Variants in HECW1 observed in about 807,000 individuals in gnomAD.
The protein encoded by HECW1 is E3 ubiquitin-protein ligase HECW1.
Under a neutral mutation model 182.3 loss-of-function variants are expected in HECW1, and 61 were observed. The observed-to-expected ratio is 0.33, with a 90% CI of 0.27 to 0.41. The LOEUF is 0.41. HECW1 is among the 10% of genes least tolerant of loss of function. The pLI is 1.00. For missense variants in HECW1, 1,739 were observed against 2,108.9 expected (o/e 0.82, Z 3.44); for synonymous variants, 859 against 832.6 (o/e 1.03, Z -0.55).
chr7:43,494,510 T>G (rs186206213), intron 19 of HECW1, among the ~76,000 whole-genome samples: 32 of 152,064 alleles, frequency 2.1e-4, no homozygotes, highest in Admixed American at 1.8e-3. Flanking sequence ...GTCAAGATTT[T>G]TTTTTTTTTT....
intron 2 of HECW1, among the ~76,000 whole-genome samples, chr7:43,138,460 G>A (rs1289281269): frequency 1.3e-5 from 2 of 152,222 alleles, no homozygotes; most frequent in South Asian, 2.1e-4. Flanking sequence ...TCTTCTGGGA[G>A]TAGGAGTTGA....
intron 13 of HECW1, among the ~76,000 whole-genome samples, chr7:43,459,784 C>T (rs1328410289): frequency 1.3e-5 from 2 of 152,168 alleles, no homozygotes; most frequent in African/African-American, 4.8e-5. Flanking sequence ...GTCATCCCCC[C>T]GTCTTGGCCT....
At position 43,528,204 on chromosome 7, in the gene HECW1, T is replaced by A. The variant is rs571388741; in HGVS notation, c.4020-12959T>A. On this transcript the variant is annotated intron_variant, in intron 24 of 29. Coordinates refer to ENST00000395891, the MANE Select transcript of HECW1 (RefSeq NM_015052.5). The stretch of plus-strand genomic sequence containing the variant: ...ATCCATGATATCGCAAAACAAAATA[T>A]TTCAACTCTCCCAGTAAAGAATATT... Among the ~76,000 whole-genome samples, 85 of 152,262 alleles carry A rather than the reference T, an allele frequency of 5.6e-4. 1 individual carries two copies. Among genetic ancestry groups the A allele is most frequent in the Admixed American group, 4.3e-3 (65 of 15,288 alleles).
At chr7:43,270,267 G>T (rs1182395968) in intron 3 of HECW1, among the ~76,000 whole-genome samples, 1 of 152,202 alleles carries the variant, frequency 6.6e-6, no homozygotes, top group South Asian at 2.1e-4. Context: ...CTCTTAGAAG[G>T]TTGTAAGTCA....
intron 2 of HECW1, among the ~76,000 whole-genome samples, chr7:43,115,201 C>T (rs1784943732): frequency 6.6e-6 from 1 of 151,992 alleles, no homozygotes; most frequent in Admixed American, 6.6e-5. Flanking sequence ...CAAGGATTGA[C>T]TGTAGAATCT....
chr7:43,266,332 T>G (rs1306490013), intron 3 of HECW1, among the ~76,000 whole-genome samples: 1 of 151,996 alleles, frequency 6.6e-6, no homozygotes, highest in Non-Finnish European at 1.5e-5. Flanking sequence ...TTTTTGTTTG[T>G]TTTGTTTTGT....
At chr7:43,264,024 C>T (rs1231440563) in intron 3 of HECW1, among the ~76,000 whole-genome samples, 1 of 152,036 alleles carries the variant, frequency 6.6e-6, no homozygotes. Flanking sequence ...TTTTTATATA[C>T]GTTTATATTG....
chr7:43,130,249 C>G (rs901392823), intron 2 of HECW1, among the ~76,000 whole-genome samples: 3 of 152,154 alleles, frequency 2.0e-5, no homozygotes, highest in Admixed American at 2.0e-4. Flanking sequence ...ATGCTTGGGC[C>G]TAGAGTGTTT....
intron 8 of HECW1, among the ~76,000 whole-genome samples, chr7:43,420,133 G>T (rs185809862): frequency 2.8e-4 from 42 of 152,282 alleles, no homozygotes; most frequent in African/African-American, 9.1e-4. Context: ...CTAAATTGTG[G>T]GAGCTAAGAA....
At chr7:43,317,393 C>G (rs1809459830) in intron 4 of HECW1, among the ~76,000 whole-genome samples, 1 of 152,236 alleles carries the variant, frequency 6.6e-6, no homozygotes, top group Non-Finnish European at 1.5e-5. Context: ...CAGGGCAGCC[C>G]TTGCGAGTGA....
At chr7:43,468,825 A>G in intron 15 of HECW1, 95 bp from the exon 16 acceptor site, 3 of 1,075,316 alleles carry the variant, frequency 2.8e-6, no homozygotes, top group Admixed American at 2.1e-5. Context: ...CTGTGTCACA[A>G]TCACACTTAG....
chr7:43,398,125 C>T (rs554340082), intron 7 of HECW1, among the ~76,000 whole-genome samples: 32 of 152,056 alleles, frequency 2.1e-4, no homozygotes, highest in Middle Eastern at 3.4e-3. Context: ...GGCATGGTGG[C>T]GGGCTCCTGT....
At chr7:43,332,641 G>A (rs557311563) in intron 5 of HECW1, among the ~76,000 whole-genome samples, 4 of 152,308 alleles carry the variant, frequency 2.6e-5, no homozygotes, top group East Asian at 1.9e-4. Context: ...GAGCAAAGGC[G>A]GCTGCGGTCA....
chr7:43,307,848 A>C (rs1807783047), intron 3 of HECW1, among the ~76,000 whole-genome samples: 2 of 144,768 alleles, frequency 1.4e-5, no homozygotes, highest in African/African-American at 2.5e-5. Flanking sequence ...TGGATGTGCT[A>C]GCTAACTTGA....
chr7:43,522,639 T>C (rs1263241847), intron 24 of HECW1: 1 of 156,952 alleles, frequency 6.4e-6, no homozygotes, highest in Non-Finnish European at 1.4e-5. Flanking sequence ...CTAGACACCA[T>C]GCCTCAGTCC....
intron 6 of HECW1, among the ~76,000 whole-genome samples, chr7:43,383,332 G>A (rs1274150110): frequency 1.3e-5 from 2 of 152,158 alleles, no homozygotes; most frequent in Non-Finnish European, 2.9e-5. Flanking sequence ...GGTATTTCTG[G>A]TTCTAGATCC....
intron 2 of HECW1, among the ~76,000 whole-genome samples, chr7:43,132,615 A>T (rs1787078621): frequency 6.6e-6 from 1 of 151,938 alleles, no homozygotes; most frequent in Admixed American, 6.5e-5. Flanking sequence ...ATTTTTACTT[A>T]CTCAGTGTGA....
rs1332515267 is a variant in HECW1, at chr7:43,308,330, TTA to T, written c.28-3425_28-3424del. Among the ~76,000 whole-genome samples, 42 of 120,394 alleles carry T rather than the reference TTA, an allele frequency of 3.5e-4. No individual in the cohort carries two copies. The South Asian group carries it at 8.0e-3, about 23-fold the overall frequency. The allele number at this position is 120,394 out of a possible 152,430, so 79.0% of individuals were successfully genotyped here. ...TATATTTATATATTATATGATATAT[TTA>T]TATATATTATATGATATATTTATAT... On this transcript the variant is annotated intron_variant, in intron 3 of 29. Transcript: ENST00000395891.
chr7:43,190,638 G>A (rs1028705603), intron 2 of HECW1, among the ~76,000 whole-genome samples: 2 of 152,138 alleles, frequency 1.3e-5, no homozygotes, highest in African/African-American at 4.8e-5. Context: ...TCTCTCCAAG[G>A]ACCAGAGCTT....
Sources: gnomAD v4.1 joint callset for allele counts (sites outside exome capture counted in the v4.1 genomes callset) on GRCh38, gnomAD v4.1.1 for gene constraint, MANE v1.5 for transcripts, NCBI Gene and HGNC (gene_info 2026-07-23, HGNC 2026-07-21) for gene names.